Variants in ATG12 observed in about 807,000 individuals in gnomAD.
The protein encoded by ATG12 is autophagy related 12.
In ATG12, 19 loss-of-function variants were observed where a neutral mutation model predicts 17.6. That is an observed-to-expected ratio of 1.08 (90% confidence interval 0.75 to 1.58). The LOEUF (loss-of-function observed/expected upper bound fraction) is 1.58. Among genes scored for constraint, ATG12 ranks in the 40% most tolerant of loss-of-function variants. ATG12 has a pLI of 0.00. For missense variants in ATG12, 214 were observed against 162.0 expected (o/e 1.32, Z -1.74); for synonymous variants, 75 against 62.4 (o/e 1.20, Z -0.95).
In ATG12 at chr5:115,841,403, G is replaced by A. The variant is rs147076660; in HGVS notation, c.150C>T (p.Asp50=). Residue 50 remains aspartate (D), a synonymous_variant, in exon 1 of 4, where the codon GAC becomes GAT. Transcript: ENST00000509910. ...AAATTCAGTTACTTTTTTTCTTGGT[G>A]TCGCCAGCAGGTTCCTCTGTTCCCG... ...VSPGTEEPAG[D]TKKKIDILLK... is the part of the protein sequence containing the mutation. 5 of 1,610,704 alleles carry A rather than the reference G, an allele frequency of 3.1e-6. No homozygotes were observed. The African/African-American group carries it at 5.4e-5, about 17-fold the overall frequency.
At chr5:115,835,770 G>C (rs1352542019) in intron 2 of ATG12, among the ~76,000 whole-genome samples, 1 of 152,194 alleles carries the variant, frequency 6.6e-6, no homozygotes, top group Non-Finnish European at 1.5e-5. Flanking sequence ...AGTGCCGTCA[G>C]ATGCCAACCC....
rs1169766696 is a variant in ATG12 at position 115,830,572 on chromosome 5, C to G, written c.*1232G>C. ...TTTTTTTTCTTTTTTGAGATGGGGT[C>G]TCACTCTGTTGCTCAGCAGGAATGC... On this transcript the variant is annotated 3_prime_UTR_variant, in exon 4 of 4. Coordinates refer to ENST00000509910, the MANE Select transcript of ATG12 (RefSeq NM_004707.4). 2 of 151,992 alleles carry G rather than the reference C, an allele frequency of 1.3e-5. No individual in the cohort carries two copies. Among genetic ancestry groups the G allele is most frequent in the Non-Finnish European group, 2.9e-5 (2 of 68,022 alleles). 9.4% of individuals were successfully genotyped at this position (151,992 alleles called of 1,614,324 possible).
At chr5:115,841,239 T>G in intron 1 of ATG12, 151 bp downstream of exon 1, 1 of 1,076,746 alleles carries the variant, frequency 9.3e-7, no homozygotes, top group Admixed American at 2.7e-5. Context: ...GCCTTAAAAA[T>G]CAAAAAGTAC....
At chr5:115,833,649 T>C (rs1403186580) in intron 2 of ATG12, 2 of 152,188 alleles carry the variant, frequency 1.3e-5, no homozygotes, top group Non-Finnish European at 2.9e-5. Context: ...GTGCCTGGTA[T>C]ATGTACTCAA....
rs191709876 is a variant in ATG12 at position 115,841,529 on chromosome 5, C to T, written c.24G>A (p.Val8=). 6.2e-7 allele frequency: 1 copy of T among 1,613,380 alleles called. No homozygotes were observed. Among genetic ancestry groups the T allele is most frequent in the African/African-American group, 1.3e-5 (1 of 74,816 alleles). The change falls in exon 1 of 4, where the codon GTG becomes GTA. Residue 8 remains valine (V), a synonymous_variant. Transcript: ENST00000509910. MAEEPQS[V]LQLPTSIAAG... is the part of the protein sequence containing the mutation. ...CAGCAATTGAAGTAGGAAGCTGCAA[C>T]ACAGACTGCGGCTCCTCCGCCATCT...
At chr5:115,838,795 A>C (rs1026797157) in intron 1 of ATG12, 4 of 152,200 alleles carry the variant, frequency 2.6e-5, no homozygotes, top group African/African-American at 9.6e-5. Context: ...AAAACAAAAC[A>C]AACATACATC....
intron 1 of ATG12, 21 bp downstream of exon 1, chr5:115,841,369 C>G (rs1210825165): frequency 6.2e-7 from 1 of 1,609,928 alleles, no homozygotes; most frequent in African/African-American, 1.3e-5. Flanking sequence ...CGCCTCTCTG[C>G]CCGGAAATAA....
intron 2 of ATG12, 83 bp downstream of exon 2, chr5:115,837,545 A>G: frequency 1.4e-6 from 2 of 1,433,718 alleles, no homozygotes; most frequent in Non-Finnish European, 1.9e-6. Flanking sequence ...CTCCATATGC[A>G]TTTCTATAAA....
In ATG12 at chr5:115,840,606, C is replaced by T. The variant is rs781374763; in HGVS notation, c.163+784G>A. On this transcript the variant is annotated intron_variant, in intron 1 of 3. Transcript: ENST00000509910. Reference sequence around the variant, plus strand: ...AGCCACCGCGCCCGGCCAGAGACCACTGTCATCTTAAGACAGAACGGGGAA... The same window carrying T: ...AGCCACCGCGCCCGGCCAGAGACCATTGTCATCTTAAGACAGAACGGGGAA... 116 of 1,279,896 alleles carry T rather than the reference C, an allele frequency of 9.1e-5. 1 individual carries two copies. The highest frequency in any genetic ancestry group is 1.1e-4 in the Non-Finnish European group (113 of 984,940). The allele number at this position is 1,279,896 out of a possible 1,614,324, so 79.3% of individuals were successfully genotyped here.
intron 2 of ATG12, among the ~76,000 whole-genome samples, chr5:115,836,842 C>G (rs1761122720): frequency 6.6e-6 from 1 of 152,154 alleles, no homozygotes; most frequent in Non-Finnish European, 1.5e-5. Context: ...TTTCTGTAGT[C>G]AAATGCCAAA....
intron 2 of ATG12, among the ~76,000 whole-genome samples, chr5:115,835,430 A>G (rs1299192585): frequency 6.6e-6 from 1 of 152,052 alleles, no homozygotes; most frequent in Non-Finnish European, 1.5e-5. Context: ...TGTTTTTTGT[A>G]TACTATTCAA....
chr5:115,833,329 T>C (rs1721089553), intron 2 of ATG12: 1 of 152,116 alleles, frequency 6.6e-6, no homozygotes, highest in African/African-American at 2.4e-5. Flanking sequence ...TATTTAGTTT[T>C]CCTTTAATAT....
intron 1 of ATG12, chr5:115,840,722 T>C (rs1761374542): frequency 8.4e-7 from 1 of 1,190,668 alleles, no homozygotes; most frequent in African/African-American, 1.6e-5. Context: ...CAGAGTGCTT[T>C]AGAACACGTA....
At chr5:115,840,979 G>T in intron 1 of ATG12, 2 of 947,808 alleles carry the variant, frequency 2.1e-6, no homozygotes, top group Non-Finnish European at 2.9e-6. Context: ...TGGAAGGCAT[G>T]AATTCTAATC....
intron 1 of ATG12, chr5:115,841,163 T>A (rs1042473801): frequency 2.1e-6 from 1 of 466,840 alleles, no homozygotes. Flanking sequence ...TAAAAATAAG[T>A]GTGGCAGCCA....
chr5:115,833,027 G>T, intron 2 of ATG12: 1 of 169,028 alleles, frequency 5.9e-6, no homozygotes, highest in African/African-American at 2.4e-5. Flanking sequence ...TAATTACACA[G>T]GCACACAGCC....
chr5:115,831,843 T>C lies in ATG12; in HGVS notation c.384A>G (p.Lys128=). ...TLYECFGSDG[K]LVLHYCKSQA... ...GAGACTTGCAGTAATGTAAAACCAG[T>C]TTACCATCACTGCCAAAACACTACA... Residue 128 remains lysine, a synonymous_variant, in exon 4 of 4, where the codon AAA becomes AAG. Transcript: ENST00000509910. 6.2e-7 allele frequency: 1 copy of C among 1,612,272 alleles called. No homozygotes were observed. The highest frequency in any genetic ancestry group is 8.5e-7 in the Non-Finnish European group (1 of 1,179,366).
chr5:115,840,204 G>A (rs946606479), intron 1 of ATG12, among the ~76,000 whole-genome samples: 2 of 152,196 alleles, frequency 1.3e-5, no homozygotes, highest in Non-Finnish European at 2.9e-5. Flanking sequence ...GTGGAAATGG[G>A]AGTCTGATTT....
chr5:115,839,258 C>T (rs928391578), intron 1 of ATG12: 1 of 151,914 alleles, frequency 6.6e-6, no homozygotes, highest in African/African-American at 2.4e-5. Flanking sequence ...AATATTGGGG[C>T]CAAAAGATCA....
Sources: gnomAD v4.1 joint callset for allele counts (sites outside exome capture counted in the v4.1 genomes callset) on GRCh38, gnomAD v4.1.1 for gene constraint, MANE v1.5 for transcripts, NCBI Gene and HGNC (gene_info 2026-07-23, HGNC 2026-07-21) for gene names.